PRR12: variants seen among roughly 807,000 people sequenced by gnomAD.
PRR12 encodes the protein proline rich 12.
PRR12 carries 12 observed loss-of-function variants against 138.0 expected under a neutral mutation model. The observed-to-expected ratio is 0.09, with a 90% CI of 0.06 to 0.14. The LOEUF is 0.14. Ranked by LOEUF, PRR12 falls within the 10% of genes least tolerant of loss-of-function variation. The pLI, the probability that PRR12 is intolerant of heterozygous loss-of-function variation, is 1.00. For missense variants in PRR12, 2,692 were observed against 2,861.3 expected (o/e 0.94, Z 1.35); for synonymous variants, 1,567 against 1,291.7 (o/e 1.21, Z -4.57).
chr19:49,593,566 G>A (rs1012928893), intron 2 of PRR12, 127 bp downstream of exon 2: 2 of 585,944 alleles, frequency 3.4e-6, no homozygotes, highest in Non-Finnish European at 6.0e-6. Context: ...CCCTTGCTGT[G>A]TCTCCTCTGA....
rs2080891765 is a variant in PRR12 at position 49,616,126 on chromosome 19, C to A, written c.5404C>A (p.Leu1802Met). ...EPPPKKRKKW[L>M]KEAGGNATAG... ...GCCCCCTAAGAAGAGGAAGAAATGG[C>A]TGAAGGAGGCAGGCGGCAACGCTAC... Residue 1802 changes from leucine (L) to methionine (M), a missense_variant, in exon 9 of 14, where the codon CTG becomes ATG. Coordinates refer to ENST00000418929, the MANE Select transcript of PRR12 (RefSeq NM_020719.3). The surrounding 1 kb of genome is among the most constrained non-coding windows in gnomAD (Gnocchi z 4.2). 5 of 1,566,694 alleles carry A rather than the reference C, an allele frequency of 3.2e-6. No homozygotes were observed. Among genetic ancestry groups the A allele is most frequent in the Non-Finnish European group, 3.5e-6 (4 of 1,156,210 alleles).
intron 1 of PRR12, among the ~76,000 whole-genome samples, chr19:49,592,429 T>G (rs536907407): frequency 6.6e-6 from 1 of 152,252 alleles, no homozygotes; most frequent in East Asian, 1.9e-4. Flanking sequence ...GAGTCGGATG[T>G]TTCCCGGGTG....
chr19:49,596,832 C>A lies in PRR12; in HGVS notation c.2497C>A (p.Pro833Thr). The stretch of plus-strand genomic sequence containing the variant: ...TGAGCCAGCCACCCGCGATGGGGCA[C>A]CCCAGCCACCTCCACCGCCACCCCC... ...LLEPATRDGAPQPPPPPPPPP... is the reference protein window; with the variant it reads ...LLEPATRDGATQPPPPPPPPP... Residue 833 changes from proline to threonine, a missense_variant, in exon 4 of 14, where the codon CCC becomes ACC. Physicochemically the swap from Pro to Thr is conservative, Grantham distance 38. Transcript: ENST00000418929. This position sits in a 1 kb window ranked among gnomAD's most constrained non-coding sequence, Gnocchi z 5.6. 6.3e-7 allele frequency: 1 copy of A among 1,593,828 alleles called. No individual in the cohort carries two copies.
At position 49,595,416 on chromosome 19, in the gene PRR12, C is replaced by T. The variant is rs1280114008; in HGVS notation, c.1081C>T (p.Arg361Trp). 3 of 1,537,348 alleles carry T rather than the reference C, an allele frequency of 2.0e-6. No individual in the cohort carries two copies. Among genetic ancestry groups the T allele is most frequent in the African/African-American group, 1.4e-5 (1 of 72,704 alleles). The change falls in exon 4 of 14, where the codon CGG becomes TGG. Residue 361 changes from arginine to tryptophan, a missense_variant. This residue lies in a region of PRR12 where 523 missense variants were observed against 496.4 expected (regional missense o/e 1.05). Coordinates refer to ENST00000418929, the MANE Select transcript of PRR12 (RefSeq NM_020719.3). ...CGGAGCCACGGCTGGGGCATCTGGC[C>T]GGGCCACGGGCCCTGAGGCAGCAGG... Reference protein sequence around the residue: ...PSGATAGASGRATGPEAAGGG... With the variant: ...PSGATAGASGWATGPEAAGGG...
Position 49,597,065 on chromosome 19 carries a change from A to G in PRR12, c.2730A>G (p.Ala910=), listed in dbSNP as rs2080776579. The G allele has an allele frequency of 6.4e-7, 1 of 1,552,984 alleles. No homozygotes were observed. Among genetic ancestry groups the G allele is most frequent in the Non-Finnish European group, 8.7e-7 (1 of 1,149,056 alleles). The change falls in exon 4 of 14, where the codon GCA becomes GCG. Residue 910 remains alanine, a synonymous_variant. Transcript: ENST00000418929. The surrounding 1 kb of genome is among the most constrained non-coding windows in gnomAD (Gnocchi z 6.3). ...CAAACTCGGAGGGCAAGGATCCCGC[A>G]GGCGCCTACCGCAGCCCCAGCCCGC... The part of the protein sequence containing the change: ...GPPNSEGKDP[A]GAYRSPSPQG...
At position 49,601,745 on chromosome 19, in the gene PRR12, T is replaced by A. The variant is rs778662812; in HGVS notation, c.4600T>A (p.Ser1534Thr). The A allele has an allele frequency of 1.9e-6, 3 of 1,560,850 alleles. No individual in the cohort carries two copies. Reference protein sequence around the residue: ...AAPPEEPAAPSPEDPELPDTR... With the variant: ...AAPPEEPAAPTPEDPELPDTR... ...TCCTCCTGAGGAGCCCGCCGCCCCGTCTCCCGAAGACCCCGAGCTGCCGGA... is the reference window on the plus strand; with the variant it reads ...TCCTCCTGAGGAGCCCGCCGCCCCGACTCCCGAAGACCCCGAGCTGCCGGA... The change falls in exon 6 of 14, where the codon TCT becomes ACT. Residue 1534 changes from serine to threonine, a missense_variant. Coordinates refer to ENST00000418929, the MANE Select transcript of PRR12 (RefSeq NM_020719.3).
chr19:49,615,078 A>G, intron 8 of PRR12, 69 bp downstream of exon 8: 1 of 1,594,172 alleles, frequency 6.3e-7, no homozygotes, highest in Non-Finnish European at 8.6e-7. Context: ...GCGGCATGCA[A>G]GAGAGAAGGC....
Position 49,616,216 on chromosome 19 carries a change from G to A in PRR12, c.5494G>A (p.Asp1832Asn), listed in dbSNP as rs945922009. 3 of 1,528,918 alleles carry A rather than the reference G, an allele frequency of 2.0e-6. No homozygotes were observed. Among genetic ancestry groups the A allele is most frequent in the Non-Finnish European group, 2.6e-6 (3 of 1,135,904 alleles). The allele number at this position is 1,528,918 out of a possible 1,614,324, so 94.7% of individuals were successfully genotyped here. The change falls in exon 9 of 14, where the codon GAC becomes AAC. Residue 1832 changes from aspartate (D) to asparagine (N), a missense_variant. This residue lies in a region of PRR12 where 259 missense variants were observed against 265.1 expected (regional missense o/e 0.98). Transcript: ENST00000418929. The surrounding 1 kb of genome is among the most constrained non-coding windows in gnomAD (Gnocchi z 4.2). ...SESSPGAPSE[D>N]ERAVPGRLLK... The stretch of plus-strand genomic sequence containing the variant: ...GTCCTCCCCTGGAGCCCCCAGCGAG[G>A]ACGGTGAGGCCCTAGGCAGCCTCAG...
chr19:49,613,951 A>G (rs1160085629), intron 6 of PRR12, among the ~76,000 whole-genome samples: 2 of 152,174 alleles, frequency 1.3e-5, no homozygotes, highest in Non-Finnish European at 2.9e-5. Flanking sequence ...TCTACTAAAA[A>G]TACAAAATTA....
rs772078674 is a variant in PRR12, at chr19:49,616,032, T to A, written c.5310T>A (p.Ser1770Arg). 3 of 1,554,988 alleles carry A rather than the reference T, an allele frequency of 1.9e-6. No individual in the cohort carries two copies. The highest frequency in any genetic ancestry group is 2.0e-5 in the Admixed American group (1 of 51,272). Residue 1770 changes from serine to arginine, a missense_variant, in exon 9 of 14, where the codon AGT (serine) becomes AGA (arginine). This residue lies in a region of PRR12 where 259 missense variants were observed against 265.1 expected (regional missense o/e 0.98). Coordinates refer to ENST00000418929, the MANE Select transcript of PRR12 (RefSeq NM_020719.3). This position sits in a 1 kb window ranked among gnomAD's most constrained non-coding sequence, Gnocchi z 4.2. The stretch of plus-strand genomic sequence containing the variant: ...GACGGCAGACACGGCCAGAGCGGAG[T>A]CTCGCCACGGGACAACCTGCCACAT... ...TSGRQTRPER[S>R]LATGQPATSR...
At position 49,597,327 on chromosome 19, in the gene PRR12, G is replaced by T. The variant is rs201275981; in HGVS notation, c.2992G>T (p.Ala998Ser). 6.4e-4 allele frequency: 987 copies of T among 1,545,798 alleles called. 2 individuals carry two copies. The African/African-American group carries it at 0.012, about 19-fold the overall frequency. Residue 998 changes from alanine (A) to serine (S), a missense_variant, in exon 4 of 14, where the codon GCG (alanine) becomes TCG (serine). Ala to Ser is a moderately conservative substitution (Grantham distance 99). Coordinates refer to ENST00000418929, the MANE Select transcript of PRR12 (RefSeq NM_020719.3). This position sits in a 1 kb window ranked among gnomAD's most constrained non-coding sequence, Gnocchi z 6.3. ...DPYGPYCPGR[A>S]SGAGPETPGL... is the part of the protein sequence containing the mutation. ...CTATGGGCCCTACTGTCCTGGCCGG[G>T]CGTCGGGAGCCGGGCCCGAGACACC...
In PRR12 at chr19:49,596,855, C is replaced by T. The variant is rs773148885; in HGVS notation, c.2520C>T (p.Pro840=). The T allele has an allele frequency of 7.0e-6, 11 of 1,575,348 alleles. No individual in the cohort carries two copies. In the South Asian group the frequency reaches 1.0e-4, roughly 15 times the overall value. Residue 840 remains proline (P), a synonymous_variant, in exon 4 of 14, where the codon CCC becomes CCT. Coordinates refer to ENST00000418929, the MANE Select transcript of PRR12 (RefSeq NM_020719.3). The surrounding 1 kb of genome is among the most constrained non-coding windows in gnomAD (Gnocchi z 5.6). The stretch of plus-strand genomic sequence containing the variant: ...CACCCCAGCCACCTCCACCGCCACC[C>T]CCGCCTCCACCACCCATGCCCCTGC... ...DGAPQPPPPP[P]PPPPPMPLQL...
rs1483619717 is a variant in PRR12 at position 49,616,021 on chromosome 19, C to T, written c.5299C>T (p.Pro1767Ser). ...ERATSGRQTR[P>S]ERSLATGQPA... ...GGCCACCAGCGGACGGCAGACACGG[C>T]CAGAGCGGAGTCTCGCCACGGGACA... Residue 1767 changes from proline (P) to serine (S), a missense_variant, in exon 9 of 14, where the codon CCA becomes TCA. Pro to Ser is a moderately conservative substitution (Grantham distance 74). Transcript: ENST00000418929. This position sits in a 1 kb window ranked among gnomAD's most constrained non-coding sequence, Gnocchi z 4.2. 1.3e-6 allele frequency: 2 copies of T among 1,554,164 alleles called. No individual in the cohort carries two copies. Among genetic ancestry groups the T allele is most frequent in the African/African-American group, 1.4e-5 (1 of 73,208 alleles).
chr19:49,625,741 C>T lies in PRR12; in HGVS notation c.*134C>T. 1 of 1,235,642 alleles carries T rather than the reference C, an allele frequency of 8.1e-7. No homozygotes were observed. 76.5% of individuals were successfully genotyped at this position (1,235,642 alleles called of 1,614,324 possible). A position where few individuals can be genotyped will look rare whatever the true frequency, so the allele number is the denominator to read the frequency against. On this transcript the variant is annotated 3_prime_UTR_variant, in exon 14 of 14. Coordinates refer to ENST00000418929, the MANE Select transcript of PRR12 (RefSeq NM_020719.3). This position sits in a 1 kb window ranked among gnomAD's most constrained non-coding sequence, Gnocchi z 5.5. ...ATGGGTCAGGGTGTGTCTGTGCTGCCCCCTCCAGGGCAGGGTTCAAAGTCC... is the reference window on the plus strand; with the variant it reads ...ATGGGTCAGGGTGTGTCTGTGCTGCTCCCTCCAGGGCAGGGTTCAAAGTCC...
rs1005415110 is a variant in PRR12, at chr19:49,615,848, C to T, written c.5126C>T (p.Thr1709Met). 3.2e-5 allele frequency: 52 copies of T among 1,607,722 alleles called. No individual in the cohort carries two copies. The highest frequency in any genetic ancestry group is 4.2e-5 in the Non-Finnish European group (49 of 1,177,294). The change falls in exon 9 of 14, where the codon ACG (threonine) becomes ATG (methionine). Residue 1709 changes from threonine to methionine, a missense_variant. Physicochemically the swap from Thr to Met is moderately conservative, Grantham distance 81. Transcript: ENST00000418929. The part of the protein sequence containing the change: ...PPPKPETPEK[T>M]TSEKPPEQTP... ...CCCAAGCCTGAGACCCCTGAAAAGACGACATCTGAGAAGCCCCCAGAGCAG... is the reference window on the plus strand; with the variant it reads ...CCCAAGCCTGAGACCCCTGAAAAGATGACATCTGAGAAGCCCCCAGAGCAG...
chr19:49,614,775 C>G lies in PRR12; in HGVS notation c.4891-101C>G. On this transcript the variant is annotated intron_variant, in intron 7 of 13. Transcript: ENST00000418929. The surrounding 1 kb of genome is among the most constrained non-coding windows in gnomAD (Gnocchi z 5.0). ...CTGGAAGGGGGCCCCCTGCTGCCGG[C>G]AGGCTCCAAGCAGCTGCCATGGTGG... is the stretch of plus-strand genomic sequence containing the variant. The G allele has an allele frequency of 6.4e-7, 1 of 1,557,652 alleles. No homozygotes were observed. The highest frequency in any genetic ancestry group is 8.8e-7 in the Non-Finnish European group (1 of 1,139,408).
intron 6 of PRR12, among the ~76,000 whole-genome samples, chr19:49,607,935 C>CT (rs1203164947): frequency 1.3e-5 from 2 of 152,026 alleles, no homozygotes; most frequent in Non-Finnish European, 2.9e-5. Context: ...AGGAGAATCA[C>CT]TTGAACCTTG....
At chr19:49,611,347 A>G (rs2080864879) in intron 6 of PRR12, among the ~76,000 whole-genome samples, 2 of 151,174 alleles carry the variant, frequency 1.3e-5, no homozygotes, top group South Asian at 2.1e-4. Context: ...AAAGAACAAA[A>G]CAAAAAAGGC....
At chr19:49,608,510 A>G (rs117038286) in intron 6 of PRR12, among the ~76,000 whole-genome samples, 6,057 of 152,072 alleles carry the variant, frequency 0.04, 142 homozygotes, top group South Asian at 0.12. Context: ...AGCGCAGACT[A>G]CAGGCAAGTG....
Sources: allele counts gnomAD v4.1 joint callset (sites outside exome capture counted in the v4.1 genomes callset), GRCh38; gene constraint gnomAD v4.1.1; regional missense constraint gnomAD v4.1.1; non-coding constraint Gnocchi (gnomAD v3.1); transcripts MANE v1.5; gene names NCBI Gene and HGNC (gene_info 2026-07-23, HGNC 2026-07-21).